The following MYO1D variants were observed in gnomAD, a reference collection of about 807,000 sequenced individuals.
The protein encoded by MYO1D is myosin ID.
MYO1D carries 83 observed loss-of-function variants against 122.0 expected under a neutral mutation model. That is an observed-to-expected ratio of 0.68 (90% CI 0.57 to 0.82). The LOEUF (loss-of-function observed/expected upper bound fraction) is 0.82. Among genes scored for constraint, MYO1D ranks in the 40% least tolerant of loss-of-function variants. The probability of loss-of-function intolerance (pLI) is 0.00; values close to 1 mark genes in which losing one functional copy is unlikely to be tolerated. For synonymous variants in MYO1D, 464 were observed against 446.9 expected (o/e 1.04, Z -0.48); for missense variants, 1,157 against 1,269.5 (o/e 0.91, Z 1.35).
rs565445132 is a variant in MYO1D, at chr17:32,617,764, A to C, written c.2710-12523T>G. 2.6e-5 allele frequency among the ~76,000 whole-genome samples: 4 copies of C among 152,344 alleles called. No individual in the cohort carries two copies. The South Asian group carries it at 8.3e-4, about 32-fold the overall frequency. On this transcript the variant is annotated intron_variant, in intron 20 of 21. Coordinates refer to ENST00000318217, the MANE Select transcript of MYO1D (RefSeq NM_015194.3). ...CCCACCTATTCTGAATCACTGACCCAAGAACATATGACAGTAACAGAGAGA... is the reference window on the plus strand; with the variant it reads ...CCCACCTATTCTGAATCACTGACCCCAGAACATATGACAGTAACAGAGAGA...
chr17:32,664,549 G>A (rs1304369394), intron 16 of MYO1D, among the ~76,000 whole-genome samples: 2 of 152,180 alleles, frequency 1.3e-5, no homozygotes, highest in Non-Finnish European at 2.9e-5. Context: ...AGTAGAACCA[G>A]CCAGACGTTA....
At chr17:32,638,889 T>G in intron 19 of MYO1D, 54 bp from the exon 20 acceptor site, 1 of 1,245,694 alleles carries the variant, frequency 8.0e-7, no homozygotes, top group Admixed American at 1.7e-5. Flanking sequence ...GGAAATCAAG[T>G]TGGCTGATTG....
At position 32,686,853 on chromosome 17, in the gene MYO1D, T is replaced by G. The variant is rs866750655; in HGVS notation, c.2121+25135A>C. On this transcript the variant is annotated intron_variant, in intron 16 of 21. Coordinates refer to ENST00000318217, the MANE Select transcript of MYO1D (RefSeq NM_015194.3). Reference sequence around the variant, plus strand: ...TGCACTTCAGCCTGGGTGATAAGAGTGAGACCCTGTTTCAAAGCGGGAGGG... The same window carrying G: ...TGCACTTCAGCCTGGGTGATAAGAGGGAGACCCTGTTTCAAAGCGGGAGGG... 3.3e-5 allele frequency among the ~76,000 whole-genome samples: 5 copies of G among 150,968 alleles called. No individual in the cohort carries two copies. In the East Asian group the frequency reaches 9.8e-4, roughly 29 times the overall value.
intron 3 of MYO1D, among the ~76,000 whole-genome samples, chr17:32,776,257 G>A (rs576915944): frequency 6.6e-6 from 1 of 152,064 alleles, no homozygotes; most frequent in South Asian, 2.1e-4. Context: ...AAAAGAATGA[G>A]GTACATCAAT....
Position 32,760,309 on chromosome 17 carries a change from T to C in MYO1D, c.1277A>G (p.Glu426Gly). 3.7e-6 allele frequency: 6 copies of C among 1,610,852 alleles called. No homozygotes were observed. Among genetic ancestry groups the C allele is most frequent in the Non-Finnish European group, 5.1e-6 (6 of 1,177,538 alleles). The stretch of plus-strand genomic sequence containing the variant: ...ACTCACATGTTTCCAGGGGATCCCT[T>C]CCCGCTGGTATTCCTCTTGTTCTTG... The part of the protein sequence containing the change: ...LKQEQEEYQR[E>G]GIPWKHIDYF... The change falls in exon 10 of 22, where the codon GAA (glutamate) becomes GGA (glycine). Residue 426 changes from glutamate to glycine, a missense_variant. Physicochemically the swap from Glu to Gly is moderately conservative, Grantham distance 98 (BLOSUM62 -2). Transcript: ENST00000318217.
intron 21 of MYO1D, among the ~76,000 whole-genome samples, chr17:32,533,234 T>C (rs1022561159): frequency 3.9e-5 from 6 of 152,304 alleles, no homozygotes; most frequent in South Asian, 2.1e-4. Flanking sequence ...ATTCCAAACC[T>C]TATATTCAGC....
At chr17:32,706,363 C>T (rs1342978107) in intron 16 of MYO1D, among the ~76,000 whole-genome samples, 1 of 152,192 alleles carries the variant, frequency 6.6e-6, no homozygotes, top group Non-Finnish European at 1.5e-5. Flanking sequence ...CCACCTCAGC[C>T]TCCCAAAGTG....
intron 21 of MYO1D, among the ~76,000 whole-genome samples, chr17:32,550,992 G>C (rs1242974020): frequency 6.6e-6 from 1 of 152,056 alleles, no homozygotes. Context: ...AATGATAATA[G>C]TGAAATAATT....
chr17:32,822,633 C>CG lies in MYO1D; in HGVS notation c.96-41850dup, dbSNP rs966098841. Among the ~76,000 whole-genome samples, 27 of 149,026 alleles carry CG rather than the reference C, an allele frequency of 1.8e-4. No individual in the cohort carries two copies. In the South Asian group the frequency reaches 5.2e-3, roughly 29 times the overall value. On this transcript the variant is annotated intron_variant, in intron 1 of 21. Transcript: ENST00000318217. ...GCCCGTGGCCCGCCGGCCCCCGTCC[C>CG]GGGGGGTGGCCGCGCGGGCCCCGGT...
intron 21 of MYO1D, among the ~76,000 whole-genome samples, chr17:32,515,738 T>TA (rs1555621531): frequency 6.6e-6 from 1 of 152,206 alleles, no homozygotes; most frequent in African/African-American, 2.4e-5. Flanking sequence ...TTTGATTAAG[T>TA]AGCAGGTGGT....
At chr17:32,864,361 A>G (rs1167114480) in intron 1 of MYO1D, among the ~76,000 whole-genome samples, 1 of 151,982 alleles carries the variant, frequency 6.6e-6, no homozygotes, top group Non-Finnish European at 1.5e-5. Flanking sequence ...GTCCCTTAGA[A>G]ACACTTAGCA....
At chr17:32,674,103 A>G (rs2111916) in intron 16 of MYO1D, among the ~76,000 whole-genome samples, 104,833 of 152,032 alleles carry the variant, frequency 0.69, 36,263 homozygotes, top group Middle Eastern at 0.78. Flanking sequence ...GAATTCCTGA[A>G]CTCCAAAGTG....
At chr17:32,701,956 A>G (rs1254538139) in intron 16 of MYO1D, among the ~76,000 whole-genome samples, 1 of 152,226 alleles carries the variant, frequency 6.6e-6, no homozygotes, top group Non-Finnish European at 1.5e-5. Flanking sequence ...AGTATCAATC[A>G]AAAGTAGAAA....
At chr17:32,540,899 C>G (rs944633694) in intron 21 of MYO1D, among the ~76,000 whole-genome samples, 4 of 144,890 alleles carry the variant, frequency 2.8e-5, no homozygotes, top group African/African-American at 1.0e-4. Context: ...GCACTCCAGC[C>G]TGGGTGACAG....
chr17:32,873,297 T>C (rs1163923591), intron 1 of MYO1D, among the ~76,000 whole-genome samples: 2 of 152,124 alleles, frequency 1.3e-5, no homozygotes, highest in Non-Finnish European at 2.9e-5. Flanking sequence ...GCTTGACTAT[T>C]ACATGACTTA....
intron 14 of MYO1D, among the ~76,000 whole-genome samples, chr17:32,721,613 T>C (rs967706027): frequency 2.6e-5 from 4 of 152,214 alleles, no homozygotes. Context: ...TAAGGAATGA[T>C]AGGGACGGAC....
intron 1 of MYO1D, among the ~76,000 whole-genome samples, chr17:32,792,138 T>C (rs2090359045): frequency 6.6e-6 from 1 of 152,224 alleles, no homozygotes; most frequent in Admixed American, 6.5e-5. Context: ...AATGCAAGTA[T>C]AAATACAATG....
chr17:32,549,458 A>G (rs1316129595), intron 21 of MYO1D, among the ~76,000 whole-genome samples: 2 of 152,190 alleles, frequency 1.3e-5, no homozygotes, highest in African/African-American at 2.4e-5. Context: ...TCCCTGGGCC[A>G]CCTTCTGAAA....
chr17:32,747,422 C>T (rs1359017859), intron 12 of MYO1D, among the ~76,000 whole-genome samples: 1 of 151,888 alleles, frequency 6.6e-6, no homozygotes. Context: ...ATATCAAATT[C>T]CCTGGAACCT....
Sources: allele counts gnomAD v4.1 joint callset (sites outside exome capture counted in the v4.1 genomes callset), GRCh38; gene constraint gnomAD v4.1.1; transcripts MANE v1.5; gene names NCBI Gene and HGNC (gene_info 2026-07-23, HGNC 2026-07-21).